Variants in GRM7 observed in about 807,000 individuals in gnomAD.
The protein encoded by GRM7 is glutamate metabotropic receptor 7, also known as metabotropic glutamate receptor 7.
GRM7 carries 35 observed loss-of-function variants against 84.5 expected under a neutral mutation model. The observed-to-expected ratio is 0.41, with a 90% CI of 0.32 to 0.55. The LOEUF is 0.55. Among genes scored for constraint, GRM7 ranks in the 20% least tolerant of loss-of-function variants. The pLI is 0.19. For synonymous variants in GRM7, 487 were observed against 455.1 expected, an observed-to-expected ratio of 1.07 and a Z score of -0.89; for missense variants, 1,003 against 1,194.6, an observed-to-expected ratio of 0.84 and a Z score of 2.36.
At chr3:7,149,678 ACT>A (rs1161228961) in intron 2 of GRM7, among the ~76,000 whole-genome samples, 6 of 151,968 alleles carry the variant, frequency 3.9e-5, no homozygotes, top group Non-Finnish European at 8.8e-5. Context: ...GGACTCCATC[ACT>A]CTCTTATTTT....
intron 7 of GRM7, among the ~76,000 whole-genome samples, chr3:7,565,138 T>C (rs1248947344): frequency 6.6e-6 from 1 of 152,214 alleles, no homozygotes; most frequent in Non-Finnish European, 1.5e-5. Context: ...CTGATGAGAC[T>C]CACAAAAGTA....
intron 5 of GRM7, among the ~76,000 whole-genome samples, chr3:7,445,483 G>C (rs1408870994): frequency 1.3e-5 from 2 of 152,166 alleles, no homozygotes; most frequent in Admixed American, 6.5e-5. Context: ...CAATTAACAC[G>C]TGCTGCGGGT....
chr3:7,162,754 T>TGAGA, intron 2 of GRM7, among the ~76,000 whole-genome samples: 1 of 44,254 alleles, frequency 2.3e-5, no homozygotes, highest in Non-Finnish European at 4.8e-5. Flanking sequence ...TTTTTTTTTT[T>TGAGA]TTTTTTTTTT....
intron 1 of GRM7, among the ~76,000 whole-genome samples, chr3:6,929,029 C>T (rs905940024): frequency 8.5e-5 from 13 of 152,116 alleles, no homozygotes; most frequent in Admixed American, 8.5e-4. Flanking sequence ...GCTTGGAAAG[C>T]TGATAAATAA....
intron 7 of GRM7, among the ~76,000 whole-genome samples, chr3:7,524,097 C>T (rs1158848558): frequency 6.6e-6 from 1 of 152,114 alleles, no homozygotes; most frequent in Non-Finnish European, 1.5e-5. Context: ...TCACTATTCA[C>T]TGATCCTCAA....
At chr3:7,636,802 A>G (rs903044184) in intron 8 of GRM7, among the ~76,000 whole-genome samples, 2 of 152,162 alleles carry the variant, frequency 1.3e-5, no homozygotes, top group African/African-American at 4.8e-5. Flanking sequence ...CTCAGTGCCC[A>G]AGATTCAATG....
chr3:7,150,775 A>G (rs1694261373), intron 2 of GRM7, among the ~76,000 whole-genome samples: 1 of 151,658 alleles, frequency 6.6e-6, no homozygotes, highest in Non-Finnish European at 1.5e-5. Context: ...TTAGACATTT[A>G]AAACTCCTTT....
At chr3:7,649,548 T>C (rs986287949) in intron 8 of GRM7, among the ~76,000 whole-genome samples, 40 of 152,198 alleles carry the variant, frequency 2.6e-4, no homozygotes, top group Non-Finnish European at 4.9e-4. Context: ...GCTCAGTGGT[T>C]CAACGTGGCA....
At chr3:7,693,289 A>G (rs556906689) in intron 9 of GRM7, among the ~76,000 whole-genome samples, 1 of 152,280 alleles carries the variant, frequency 6.6e-6, no homozygotes, top group African/African-American at 2.4e-5. Context: ...ACATGAGCAA[A>G]GGTAATTAAA....
chr3:6,885,324 T>A (rs988346055), intron 1 of GRM7, among the ~76,000 whole-genome samples: 1 of 152,214 alleles, frequency 6.6e-6, no homozygotes, highest in African/African-American at 2.4e-5. Context: ...GCAGTCATAC[T>A]TAGACCCACT....
chr3:7,381,199 T>G (rs1483489787), intron 4 of GRM7, among the ~76,000 whole-genome samples: 3 of 152,148 alleles, frequency 2.0e-5, no homozygotes, highest in African/African-American at 7.2e-5. Context: ...TTTAAAATAT[T>G]TTTATTCTTT....
chr3:7,717,420 G>A (rs6800370), intron 9 of GRM7, among the ~76,000 whole-genome samples: 16,796 of 152,060 alleles, frequency 0.11, 1,642 homozygotes, highest in African/African-American at 0.26. Context: ...GAAAATGCTG[G>A]TATATATTTT....
At chr3:7,101,859 TAG>T (rs1449493718) in intron 1 of GRM7, among the ~76,000 whole-genome samples, 3 of 149,318 alleles carry the variant, frequency 2.0e-5, no homozygotes, top group Admixed American at 6.7e-5. Context: ...ATACACATTT[TAG>T]TGTTGCTTCC....
intron 1 of GRM7, among the ~76,000 whole-genome samples, chr3:7,083,767 AATTT>A (rs1698349256): frequency 6.6e-6 from 1 of 152,112 alleles, no homozygotes; most frequent in Non-Finnish European, 1.5e-5. Flanking sequence ...ACATTTACTA[AATTT>A]TAGACGTATT....
intron 5 of GRM7, among the ~76,000 whole-genome samples, chr3:7,448,341 G>T (rs992095069): frequency 4.1e-4 from 62 of 152,202 alleles, no homozygotes; most frequent in African/African-American, 1.4e-3. Context: ...TTCCACAATG[G>T]CAAACTCTTT....
chr3:6,876,074 C>T (rs994212549), intron 1 of GRM7, among the ~76,000 whole-genome samples: 2 of 152,016 alleles, frequency 1.3e-5, no homozygotes, highest in African/African-American at 4.8e-5. Flanking sequence ...TCAAAACCAG[C>T]CTGGCCAACA....
chr3:7,135,295 A>G (rs1233143282), intron 1 of GRM7, among the ~76,000 whole-genome samples: 1 of 152,202 alleles, frequency 6.6e-6, no homozygotes, highest in Non-Finnish European at 1.5e-5. Context: ...ATGGTTCTTC[A>G]ATGATTTTCC....
At chr3:7,686,781 T>C (rs1377852536) in intron 9 of GRM7, among the ~76,000 whole-genome samples, 1 of 152,210 alleles carries the variant, frequency 6.6e-6, no homozygotes, top group African/African-American at 2.4e-5. Flanking sequence ...TATTTCTCAA[T>C]GTATGTTTTC....
chr3:7,307,321 G>C (rs1700228002), intron 4 of GRM7, among the ~76,000 whole-genome samples: 1 of 151,424 alleles, frequency 6.6e-6, no homozygotes, highest in South Asian at 2.1e-4. Context: ...TCTTTAATTT[G>C]GAAAGAAAAG....
Sources: gnomAD v4.1 joint callset for allele counts (sites outside exome capture counted in the v4.1 genomes callset) on GRCh38, gnomAD v4.1.1 for gene constraint, MANE v1.5 for transcripts, NCBI Gene and HGNC (gene_info 2026-07-23, HGNC 2026-07-21) for gene names.